Variants in CTIF observed in about 807,000 individuals in gnomAD.
CTIF encodes cap binding complex dependent translation initiation factor.
Under a neutral mutation model 66.0 loss-of-function variants are expected in CTIF, and 21 were observed. The ratio of observed to expected loss-of-function variants is 0.32; its 90% CI spans 0.23 to 0.46. The LOEUF (loss-of-function observed/expected upper bound fraction) is 0.46, where lower values mean the gene tolerates loss of function less well. CTIF is among the 20% of genes least tolerant of loss of function. The pLI, the probability that CTIF is intolerant of heterozygous loss-of-function variation, is 1.00. For missense variants in CTIF, 739 were observed against 812.7 expected, an observed-to-expected ratio of 0.91 and a Z score of 1.10; for synonymous variants, 345 against 326.4, an observed-to-expected ratio of 1.06 and a Z score of -0.62.
At chr18:48,842,723 A>G (rs2146556016) in intron 10 of CTIF, among the ~76,000 whole-genome samples, 1 of 152,322 alleles carries the variant, frequency 6.6e-6, no homozygotes, top group South Asian at 2.1e-4. Context: ...GAAAATCACA[A>G]CCTGAACCTT....
intron 1 of CTIF, among the ~76,000 whole-genome samples, chr18:48,576,903 G>A (rs1472620937): frequency 1.3e-5 from 2 of 152,254 alleles, no homozygotes; most frequent in African/African-American, 2.4e-5. Flanking sequence ...GGGTGAAATT[G>A]TTAATTATTC....
intron 2 of CTIF, among the ~76,000 whole-genome samples, chr18:48,630,644 GC>G (rs1217836041): frequency 6.8e-6 from 1 of 146,422 alleles, no homozygotes; most frequent in African/African-American, 2.6e-5. Context: ...TGGTTCAACA[GC>G]TTTTTTGTCT....
Position 48,611,583 on chromosome 18 carries a change from C to T in CTIF, c.-28-7955C>T, listed in dbSNP as rs747087882. ...ATTTCAAGTGTAGTTCTCTGACTGGCAGCAGCAGCCTCACCTGGGAGCGTG... is the reference window on the plus strand; with the variant it reads ...ATTTCAAGTGTAGTTCTCTGACTGGTAGCAGCAGCCTCACCTGGGAGCGTG... On this transcript the variant is annotated intron_variant, in intron 1 of 11. Coordinates refer to ENST00000256413, the MANE Select transcript of CTIF (RefSeq NM_014772.3). Among the ~76,000 whole-genome samples the T allele has an allele frequency of 8.1e-4, 124 of 152,260 alleles. 1 individual carries two copies. Among genetic ancestry groups the T allele is most frequent in the Admixed American group, 1.8e-3 (28 of 15,302 alleles).
chr18:48,563,393 T>A (rs2089207596), intron 1 of CTIF, among the ~76,000 whole-genome samples: 1 of 152,268 alleles, frequency 6.6e-6, no homozygotes, highest in Non-Finnish European at 1.5e-5. Flanking sequence ...TCTACTCAGT[T>A]TCCCTATGGG....
At chr18:48,618,685 G>T (rs1445640045) in intron 1 of CTIF, among the ~76,000 whole-genome samples, 1 of 152,174 alleles carries the variant, frequency 6.6e-6, no homozygotes, top group Admixed American at 6.5e-5. Context: ...GCAGACCTGG[G>T]CCCCTGCAGG....
intron 1 of CTIF, among the ~76,000 whole-genome samples, chr18:48,598,778 A>G (rs1237312839): frequency 6.6e-6 from 1 of 152,206 alleles, no homozygotes; most frequent in Non-Finnish European, 1.5e-5. Context: ...AATGTAGTGA[A>G]GTATTCAGCA....
chr18:48,609,583 C>T (rs766581447), intron 1 of CTIF, among the ~76,000 whole-genome samples: 2 of 152,186 alleles, frequency 1.3e-5, no homozygotes, highest in Non-Finnish European at 2.9e-5. Context: ...GTCCGCCCAA[C>T]AGCACGCAGA....
chr18:48,744,943 C>T (rs2092584102), intron 7 of CTIF, among the ~76,000 whole-genome samples: 1 of 152,138 alleles, frequency 6.6e-6, no homozygotes, highest in African/African-American at 2.4e-5. Context: ...CTGCCTCAGC[C>T]TTCCCAGCAG....
At chr18:48,744,780 G>A (rs2092582118) in intron 7 of CTIF, among the ~76,000 whole-genome samples, 1 of 151,732 alleles carries the variant, frequency 6.6e-6, no homozygotes, top group Admixed American at 6.6e-5. Flanking sequence ...CGATTGTCAT[G>A]ACTTGTTAGT....
intron 10 of CTIF, among the ~76,000 whole-genome samples, chr18:48,832,094 C>T (rs534717452): frequency 4.6e-5 from 7 of 151,968 alleles, no homozygotes; most frequent in Non-Finnish European, 8.8e-5. Context: ...AATACTAAAA[C>T]CTCAAGCTCA....
At chr18:48,594,072 A>G (rs1168306943) in intron 1 of CTIF, among the ~76,000 whole-genome samples, 1 of 127,964 alleles carries the variant, frequency 7.8e-6, no homozygotes, top group Non-Finnish European at 1.7e-5. Context: ...CCCCCCTCCT[A>G]TCTGCCCCCT....
chr18:48,687,835 G>A (rs1360499061), intron 6 of CTIF, among the ~76,000 whole-genome samples: 1 of 152,202 alleles, frequency 6.6e-6, no homozygotes. Context: ...AGCCGCCTGA[G>A]TCCCGCTGTC....
intron 1 of CTIF, among the ~76,000 whole-genome samples, chr18:48,612,173 G>T (rs1321311970): frequency 1.3e-5 from 2 of 152,250 alleles, no homozygotes; most frequent in African/African-American, 4.8e-5. Flanking sequence ...GCCAGAGCTT[G>T]AGGGCCGCAG....
At chr18:48,696,438 C>T (rs1412705251) in intron 6 of CTIF, among the ~76,000 whole-genome samples, 1 of 152,192 alleles carries the variant, frequency 6.6e-6, no homozygotes, top group Non-Finnish European at 1.5e-5. Context: ...GGTGGAACTC[C>T]TGGTCTCACC....
At chr18:48,557,440 A>C (rs1337530632) in intron 1 of CTIF, among the ~76,000 whole-genome samples, 1 of 152,152 alleles carries the variant, frequency 6.6e-6, no homozygotes, top group Admixed American at 6.5e-5. Context: ...TTTCTTCTTG[A>C]GGGCATGGCA....
intron 9 of CTIF, among the ~76,000 whole-genome samples, chr18:48,812,219 C>T (rs2068273055): frequency 1.3e-5 from 2 of 152,234 alleles, no homozygotes; most frequent in South Asian, 4.1e-4. Context: ...CTGCCTTGGC[C>T]TCCCAAAGTG....
chr18:48,546,973 G>A (rs1280480722), intron 1 of CTIF, among the ~76,000 whole-genome samples: 9 of 152,178 alleles, frequency 5.9e-5, no homozygotes. Flanking sequence ...AGACTTGGGG[G>A]CCAGTGTCTT....
chr18:48,795,201 T>G (rs912499732), intron 9 of CTIF, among the ~76,000 whole-genome samples: 3 of 152,166 alleles, frequency 2.0e-5, no homozygotes, highest in Non-Finnish European at 4.4e-5. Flanking sequence ...ATGGACTTAG[T>G]TGCCAGAGAG....
intron 2 of CTIF, among the ~76,000 whole-genome samples, chr18:48,630,368 C>T (rs1003574428): frequency 6.6e-6 from 1 of 152,110 alleles, no homozygotes; most frequent in Non-Finnish European, 1.5e-5. Flanking sequence ...TTTCTTTTGT[C>T]GCTTAGAAGT....
Sources: gnomAD v4.1 joint callset for allele counts (sites outside exome capture counted in the v4.1 genomes callset) on GRCh38, gnomAD v4.1.1 for gene constraint, MANE v1.5 for transcripts, NCBI Gene and HGNC (gene_info 2026-07-23, HGNC 2026-07-21) for gene names.